RAPGEF4: variants seen among roughly 807,000 people sequenced by gnomAD.
The protein encoded by RAPGEF4 is RAP guanine-nucleotide-exchange factor (GEF) 4.
Under a neutral mutation model 147.9 loss-of-function variants are expected in RAPGEF4, and 66 were observed. The ratio of observed to expected loss-of-function variants is 0.45; its 90% CI spans 0.37 to 0.55. The LOEUF (loss-of-function observed/expected upper bound fraction) is 0.55. RAPGEF4 is among the 20% of genes least tolerant of loss of function. RAPGEF4 has a pLI of 0.00. For synonymous variants in RAPGEF4, 419 were observed against 442.7 expected, an observed-to-expected ratio of 0.95 and a Z score of 0.67; for missense variants, 1,071 against 1,257.3, an observed-to-expected ratio of 0.85 and a Z score of 2.24.
chr2:172,957,067 T>A (rs768485532), intron 6 of RAPGEF4, among the ~76,000 whole-genome samples: 3 of 152,280 alleles, frequency 2.0e-5, no homozygotes, highest in Non-Finnish European at 4.4e-5. Flanking sequence ...TCTAAGCAAT[T>A]CCAGTTATTG....
chr2:172,910,751 G>A (rs1463960110), intron 4 of RAPGEF4, among the ~76,000 whole-genome samples: 3 of 152,210 alleles, frequency 2.0e-5, no homozygotes, highest in African/African-American at 7.2e-5. Context: ...TGGCTGCTGA[G>A]AGGCAGCACC....
At chr2:172,814,230 A>G (rs1320240592) in intron 3 of RAPGEF4, 49 bp from the exon 4 acceptor site, 3 of 1,589,236 alleles carry the variant, frequency 1.9e-6, no homozygotes, top group African/African-American at 2.7e-5. Context: ...GAAAACACCT[A>G]CCCATTAGAT....
intron 17 of RAPGEF4, among the ~76,000 whole-genome samples, chr2:173,013,631 C>G (rs1695231030): frequency 1.3e-5 from 2 of 152,100 alleles, no homozygotes; most frequent in African/African-American, 4.8e-5. Context: ...AAGAATGGAC[C>G]AGGGACCTTT....
At chr2:172,879,043 C>G (rs936642920) in intron 4 of RAPGEF4, among the ~76,000 whole-genome samples, 1 of 152,070 alleles carries the variant, frequency 6.6e-6, no homozygotes, top group Non-Finnish European at 1.5e-5. Context: ...GGCCAAATAC[C>G]CCTAAGTCTA....
rs553969198 is a variant in RAPGEF4, at chr2:173,052,015, A to C, written c.*248A>C. 8.4e-4 allele frequency: 266 copies of C among 318,254 alleles called. 1 individual carries two copies. The highest frequency in any genetic ancestry group is 5.3e-3 in the African/African-American group (254 of 47,530). The allele number at this position is 318,254 out of a possible 1,614,324, so 19.7% of individuals were successfully genotyped here. On this transcript the variant is annotated 3_prime_UTR_variant, in exon 31 of 31. Transcript: ENST00000397081. The stretch of plus-strand genomic sequence containing the variant: ...TTTGTGGCTACCCTGTTTCATTTCC[A>C]CTTGTGCCATCTTCTTTGCTGAAGT...
rs148679062 is a variant in RAPGEF4 at position 173,014,940 on chromosome 2, C to T, written c.1809+326C>T. 2.0e-3 allele frequency among the ~76,000 whole-genome samples: 303 copies of T among 152,202 alleles called. 3 individuals are homozygous for T. The highest frequency in any genetic ancestry group is 0.01 in the Middle Eastern group (3 of 294). ...TGATATAAGGATTTTTCTGTCAGTA[C>T]AGTCCTTATAATAAAAATTTATTTA... is the stretch of plus-strand genomic sequence containing the variant. On this transcript the variant is annotated intron_variant, in intron 18 of 30. Transcript: ENST00000397081.
chr2:172,903,284 G>A (rs1031008417), intron 4 of RAPGEF4, among the ~76,000 whole-genome samples: 3 of 151,086 alleles, frequency 2.0e-5, no homozygotes, highest in Non-Finnish European at 4.4e-5. Context: ...CAGGAGAACG[G>A]CGTGAACCTG....
chr2:172,988,462 G>A (rs1161125382), intron 13 of RAPGEF4, among the ~76,000 whole-genome samples, 190 bp downstream of exon 13: 1 of 152,128 alleles, frequency 6.6e-6, no homozygotes, highest in Admixed American at 6.5e-5. Flanking sequence ...ACTTTCTGGG[G>A]TTTGTCTCCT....
intron 21 of RAPGEF4, among the ~76,000 whole-genome samples, chr2:173,017,853 T>C (rs1695654530): frequency 6.6e-6 from 1 of 152,060 alleles, no homozygotes; most frequent in Non-Finnish European, 1.5e-5. Context: ...AGACAATGGA[T>C]CACCAGCATC....
chr2:172,775,214 T>C (rs1684048699), intron 1 of RAPGEF4, among the ~76,000 whole-genome samples: 3 of 152,212 alleles, frequency 2.0e-5, no homozygotes, highest in Admixed American at 2.0e-4. Context: ...GCTTTGGCCA[T>C]TTGCTGGCCC....
At chr2:172,972,565 G>C (rs73977745) in intron 10 of RAPGEF4, among the ~76,000 whole-genome samples, 1 of 152,166 alleles carries the variant, frequency 6.6e-6, no homozygotes, top group African/African-American at 2.4e-5. Context: ...AGATTTTGGC[G>C]TCACAAGTGA....
intron 4 of RAPGEF4, among the ~76,000 whole-genome samples, chr2:172,819,461 CTTTTTTTTTTTT>C (rs1242605865): frequency 1.1e-5 from 1 of 87,008 alleles, no homozygotes; most frequent in Non-Finnish European, 2.1e-5. Context: ...ATTTTTAGTT[CTTTTTTTTTTTT>C]TTTTTTTTTT....
chr2:172,916,711 TAGA>T (rs1684112413), intron 4 of RAPGEF4, among the ~76,000 whole-genome samples: 1 of 152,224 alleles, frequency 6.6e-6, no homozygotes, highest in Non-Finnish European at 1.5e-5. Context: ...ACATCTTGAC[TAGA>T]AGAAGGCTCT....
chr2:172,799,714 A>T (rs1210782359), intron 3 of RAPGEF4, among the ~76,000 whole-genome samples: 1 of 152,194 alleles, frequency 6.6e-6, no homozygotes, highest in African/African-American at 2.4e-5. Context: ...ATGTGACAAA[A>T]GAGAGGAAAG....
intron 29 of RAPGEF4, among the ~76,000 whole-genome samples, chr2:173,045,546 T>C (rs1281305329): frequency 6.6e-6 from 1 of 152,218 alleles, no homozygotes; most frequent in African/African-American, 2.4e-5. Context: ...ATTTGAAGAC[T>C]TGTCCTGTTA....
chr2:172,844,338 T>C (rs1357637153), intron 4 of RAPGEF4, among the ~76,000 whole-genome samples: 1 of 152,140 alleles, frequency 6.6e-6, no homozygotes, highest in Non-Finnish European at 1.5e-5. Flanking sequence ...CGGCCTCTGG[T>C]GGCTTTCAGG....
At chr2:172,984,587 C>T (rs1692037062) in intron 11 of RAPGEF4, among the ~76,000 whole-genome samples, 1 of 152,234 alleles carries the variant, frequency 6.6e-6, no homozygotes, top group African/African-American at 2.4e-5. Flanking sequence ...TCCCACCTAC[C>T]TACCACTGCC....
chr2:172,995,412 T>G lies in RAPGEF4; in HGVS notation c.1491-1054T>G, dbSNP rs184344736. On this transcript the variant is annotated intron_variant, in intron 15 of 30. Transcript: ENST00000397081. ...CTCCTGCCTCAGCCTCCTAACTAGCTGGGACTACAGGCATGTGCCACCACG... is the reference window on the plus strand; with the variant it reads ...CTCCTGCCTCAGCCTCCTAACTAGCGGGGACTACAGGCATGTGCCACCACG... 1.1e-3 allele frequency among the ~76,000 whole-genome samples: 165 copies of G among 152,232 alleles called. 2 individuals are homozygous for G. In the East Asian group the frequency reaches 0.027, roughly 25 times the overall value.
intron 25 of RAPGEF4, among the ~76,000 whole-genome samples, chr2:173,028,510 T>C (rs1559197072): frequency 1.3e-5 from 2 of 152,380 alleles, no homozygotes; most frequent in Non-Finnish European, 2.9e-5. Context: ...CCTGTTATTT[T>C]ACAGAGGCAA....
Sources: allele counts gnomAD v4.1 joint callset (sites outside exome capture counted in the v4.1 genomes callset), GRCh38; gene constraint gnomAD v4.1.1; transcripts MANE v1.5; gene names NCBI Gene and HGNC (gene_info 2026-07-23, HGNC 2026-07-21).